Variants in SLC9A9 observed in about 807,000 individuals in gnomAD.
The protein encoded by SLC9A9 is sodium/hydrogen exchanger 9.
In SLC9A9, 62 loss-of-function variants were observed where a neutral mutation model predicts 77.8. The observed-to-expected ratio is 0.80, with a 90% CI of 0.65 to 0.98. SLC9A9 has a LOEUF of 0.98. Ranked by LOEUF, SLC9A9 falls within the 50% of genes least tolerant of loss-of-function variation. The pLI is 0.00. For synonymous variants in SLC9A9, 320 were observed against 283.5 expected (o/e 1.13, Z -1.29); for missense variants, 775 against 774.9 (o/e 1.00, Z 0.00).
chr3:143,374,074 CA>C (rs1298739821), intron 13 of SLC9A9, among the ~76,000 whole-genome samples: 1 of 151,928 alleles, frequency 6.6e-6, no homozygotes, highest in African/African-American at 2.4e-5. Context: ...CAGGGAAAGA[CA>C]GAGCATATTA....
intron 12 of SLC9A9, 145 bp from the exon 13 acceptor site, chr3:143,382,259 G>C (rs1185092226): frequency 1.2e-5 from 10 of 848,784 alleles, no homozygotes; most frequent in Non-Finnish European, 1.8e-5. Flanking sequence ...TGAATCAAAA[G>C]AACCTCAGAT....
chr3:143,742,976 G>T (rs1360454414), intron 4 of SLC9A9, among the ~76,000 whole-genome samples: 2 of 152,118 alleles, frequency 1.3e-5, no homozygotes, highest in South Asian at 2.1e-4. Flanking sequence ...CTGCTGCCTT[G>T]TTCCTAGAAG....
chr3:143,408,063 A>G (rs2034018047), intron 12 of SLC9A9, among the ~76,000 whole-genome samples: 1 of 152,064 alleles, frequency 6.6e-6, no homozygotes, highest in Admixed American at 6.6e-5. Context: ...TTTTTCTTTG[A>G]ACACACATGC....
intron 6 of SLC9A9, among the ~76,000 whole-genome samples, chr3:143,619,405 C>A (rs948783075): frequency 6.6e-6 from 1 of 152,140 alleles, no homozygotes; most frequent in South Asian, 2.1e-4. Context: ...AAACCGGAAC[C>A]ATTATGCTTG....
chr3:143,813,149 G>C (rs1257848346), intron 2 of SLC9A9, among the ~76,000 whole-genome samples: 1 of 152,106 alleles, frequency 6.6e-6, no homozygotes, highest in Non-Finnish European at 1.5e-5. Context: ...CCACTGCTTA[G>C]AGCAGTACAT....
intron 14 of SLC9A9, among the ~76,000 whole-genome samples, chr3:143,337,322 T>C (rs1324710124): frequency 6.6e-6 from 1 of 152,106 alleles, no homozygotes; most frequent in Non-Finnish European, 1.5e-5. Context: ...ATTTATAGCC[T>C]TCTCTAAATT....
At chr3:143,699,560 C>T (rs553188256) in intron 4 of SLC9A9, among the ~76,000 whole-genome samples, 3 of 152,248 alleles carry the variant, frequency 2.0e-5, no homozygotes, top group East Asian at 1.9e-4. Context: ...CTGAACTTAC[C>T]GGTGCCGTGT....
intron 14 of SLC9A9, among the ~76,000 whole-genome samples, chr3:143,287,101 T>TTGTGTG (rs3032423): frequency 0.012 from 1,829 of 149,244 alleles, 28 homozygotes; most frequent in African/African-American, 0.043. Flanking sequence ...CTGGTCCCAC[T>TTGTGTG]TGTGTGTGTG....
chr3:143,765,846 T>C (rs2108836240), intron 4 of SLC9A9, among the ~76,000 whole-genome samples: 1 of 152,298 alleles, frequency 6.6e-6, no homozygotes, highest in Middle Eastern at 3.4e-3. Flanking sequence ...CTTTGTCCAA[T>C]AGGATGTTAG....
intron 6 of SLC9A9, among the ~76,000 whole-genome samples, chr3:143,635,171 A>G (rs1040369560): frequency 3.3e-5 from 5 of 152,214 alleles, no homozygotes; most frequent in African/African-American, 1.2e-4. Flanking sequence ...TGGATCGCCC[A>G]CATGTCTGGC....
chr3:143,739,142 AGACCAGTCCCCACCCTGCAGCTC>A (rs1935019067), intron 4 of SLC9A9, among the ~76,000 whole-genome samples: 1 of 152,122 alleles, frequency 6.6e-6, no homozygotes, highest in African/African-American at 2.4e-5. Context: ...GTCTTTCTGA[AGACCAGTCCCCACCCTGCAGCTC>A]TCGTGGGGCC....
At chr3:143,512,448 G>T (rs932446624) in intron 9 of SLC9A9, among the ~76,000 whole-genome samples, 9 of 152,198 alleles carry the variant, frequency 5.9e-5, no homozygotes, top group Admixed American at 4.6e-4. Context: ...TTGTGGGTTT[G>T]GTTCCAGACC....
chr3:143,403,915 G>A (rs542578047), intron 12 of SLC9A9, among the ~76,000 whole-genome samples: 1 of 151,778 alleles, frequency 6.6e-6, no homozygotes, highest in Non-Finnish European at 1.5e-5. Context: ...ATTTTTTTCT[G>A]CCCTTTCTCT....
intron 11 of SLC9A9, among the ~76,000 whole-genome samples, chr3:143,491,899 A>G (rs753524822): frequency 2.0e-5 from 3 of 152,238 alleles, no homozygotes; most frequent in Non-Finnish European, 4.4e-5. Flanking sequence ...ATGCAACCCA[A>G]TGCTGGCTTC....
At chr3:143,683,454 G>A (rs905893704) in intron 5 of SLC9A9, among the ~76,000 whole-genome samples, 2 of 152,218 alleles carry the variant, frequency 1.3e-5, no homozygotes, top group Admixed American at 6.5e-5. Flanking sequence ...GTAGGAAGGA[G>A]CACTGCTGTA....
chr3:143,447,817 C>A (rs1445617625), intron 12 of SLC9A9, among the ~76,000 whole-genome samples: 1 of 152,098 alleles, frequency 6.6e-6, no homozygotes. Context: ...GTGCTTGTAT[C>A]GACCAAAAAA....
At chr3:143,515,351 A>G (rs72991988) in intron 9 of SLC9A9, among the ~76,000 whole-genome samples, 3,092 of 152,332 alleles carry the variant, frequency 0.02, 101 homozygotes, top group African/African-American at 0.069. Context: ...AAATGAGCAC[A>G]TGCTGCTGGA....
intron 6 of SLC9A9, among the ~76,000 whole-genome samples, chr3:143,589,285 T>G (rs909473165): frequency 6.6e-6 from 1 of 152,232 alleles, no homozygotes; most frequent in Non-Finnish European, 1.5e-5. Context: ...AAGGAAATTA[T>G]GGCTTAGATA....
At chr3:143,392,385 C>T (rs1421000402) in intron 12 of SLC9A9, among the ~76,000 whole-genome samples, 3 of 152,192 alleles carry the variant, frequency 2.0e-5, no homozygotes, top group Admixed American at 6.5e-5. Context: ...AAATCGTTTA[C>T]AGACAAGCAA....
Sources: allele counts gnomAD v4.1 joint callset (sites outside exome capture counted in the v4.1 genomes callset), GRCh38; gene constraint gnomAD v4.1.1; transcripts MANE v1.5; gene names NCBI Gene and HGNC (gene_info 2026-07-23, HGNC 2026-07-21).